PODXL2: variants seen among roughly 807,000 people sequenced by gnomAD.
PODXL2 encodes the protein podocalyxin-like protein 2.
Under a neutral mutation model 53.4 loss-of-function variants are expected in PODXL2, and 17 were observed. The observed-to-expected ratio is 0.32, with a 90% CI of 0.22 to 0.48. PODXL2 has a LOEUF of 0.48. Among genes scored for constraint, PODXL2 ranks in the 20% least tolerant of loss-of-function variants. PODXL2 has a pLI of 0.99. For synonymous variants in PODXL2, 311 were observed against 306.7 expected, an observed-to-expected ratio of 1.01 and a Z score of -0.15; for missense variants, 673 against 760.0, an observed-to-expected ratio of 0.89 and a Z score of 1.35.
chr3:127,646,870 G>A (rs1559874715), intron 2 of PODXL2, among the ~76,000 whole-genome samples: 1 of 152,162 alleles, frequency 6.6e-6, no homozygotes, highest in Non-Finnish European at 1.5e-5. Flanking sequence ...GAGCACTGAT[G>A]CCCTGGGCCT....
chr3:127,640,963 A>G (rs2074614672), intron 2 of PODXL2, among the ~76,000 whole-genome samples: 2 of 152,122 alleles, frequency 1.3e-5, no homozygotes, highest in African/African-American at 4.8e-5. Flanking sequence ...CCTGGGCTAG[A>G]GTGCAGTGGC....
intron 1 of PODXL2, among the ~76,000 whole-genome samples, chr3:127,635,800 T>C (rs558619736): frequency 6.6e-6 from 1 of 152,352 alleles, no homozygotes; most frequent in East Asian, 1.9e-4. Context: ...TTTATTTAGC[T>C]CATGATTCTG....
At chr3:127,662,645 T>G (rs2074774839) in intron 4 of PODXL2, among the ~76,000 whole-genome samples, 1 of 152,226 alleles carries the variant, frequency 6.6e-6, no homozygotes, top group Admixed American at 6.5e-5. Flanking sequence ...TTTCTCCGTT[T>G]TGGGTCTCAG....
intron 2 of PODXL2, among the ~76,000 whole-genome samples, chr3:127,657,151 ATGCATCTC>A (rs1482933284): frequency 1.3e-5 from 2 of 152,196 alleles, no homozygotes; most frequent in African/African-American, 4.8e-5. Flanking sequence ...GTGACTGATG[ATGCATCTC>A]TGAGGAGGCT....
intron 2 of PODXL2, among the ~76,000 whole-genome samples, chr3:127,644,517 G>T (rs952788242): frequency 6.6e-6 from 1 of 152,048 alleles, no homozygotes; most frequent in Non-Finnish European, 1.5e-5. Context: ...AAGCAGTCAC[G>T]CAGAGAGCAT....
chr3:127,635,080 G>A (rs2074568797), intron 1 of PODXL2, among the ~76,000 whole-genome samples: 1 of 152,186 alleles, frequency 6.6e-6, no homozygotes, highest in Admixed American at 6.5e-5. Flanking sequence ...GTGCCCCCCT[G>A]AGTGGCATGG....
At chr3:127,640,570 G>A (rs556284795) in intron 2 of PODXL2, among the ~76,000 whole-genome samples, 186 of 152,022 alleles carry the variant, frequency 1.2e-3, no homozygotes, top group African/African-American at 4.2e-3. Flanking sequence ...ACATGATTGC[G>A]GGCATCTGTA....
chr3:127,636,092 C>T (rs2074576681), intron 1 of PODXL2, among the ~76,000 whole-genome samples: 1 of 152,234 alleles, frequency 6.6e-6, no homozygotes, highest in Admixed American at 6.5e-5. Context: ...TCTTGTGTAG[C>T]AACTCACAAA....
At position 127,662,305 on chromosome 3, in the gene PODXL2, A is replaced by G. The variant is rs749251893; in HGVS notation, c.1200A>G (p.Ile400Met). 13 of 1,613,444 alleles carry G rather than the reference A, an allele frequency of 8.1e-6. No individual in the cohort carries two copies. Among genetic ancestry groups the G allele is most frequent in the Non-Finnish European group, 1.1e-5 (13 of 1,179,602 alleles). Reference protein sequence around the residue: ...NYIILNMTENIDCEVFRQHRG... With the variant: ...NYIILNMTENMDCEVFRQHRG... ...TCATTCTGAACATGACAGAGAACAT[A>G]GACTGTGTGAGTGCCCAGCCAGGCT... The change falls in exon 4 of 8, where the codon ATA becomes ATG. Residue 400 changes from isoleucine (I) to methionine (M), a missense_variant. Physicochemically the swap from Ile to Met is conservative, Grantham distance 10 (BLOSUM62 1). Around this residue, in one of 3 missense-constraint regions of PODXL2, gnomAD observed 588 missense variants for 668.3 expected, o/e 0.88. Transcript: ENST00000342480.
chr3:127,634,682 C>T (rs897814773), intron 1 of PODXL2, among the ~76,000 whole-genome samples: 11 of 151,950 alleles, frequency 7.2e-5, no homozygotes, highest in South Asian at 2.1e-4. Context: ...GCCAAGAACG[C>T]GCCATTGCAC....
intron 7 of PODXL2, 146 bp from the exon 8 acceptor site, chr3:127,672,117 GGAGTT>G (rs1220422967): frequency 3.5e-5 from 22 of 624,938 alleles, no homozygotes; most frequent in African/African-American, 3.3e-4. Context: ...TTTTGAGAAA[GGAGTT>G]GAGCTGCAGC....
intron 1 of PODXL2, among the ~76,000 whole-genome samples, chr3:127,631,786 A>G (rs945984074): frequency 3.3e-5 from 5 of 152,258 alleles, no homozygotes; most frequent in African/African-American, 7.2e-5. Context: ...CCCATTGCCA[A>G]GGCCTTTGAA....
intron 2 of PODXL2, among the ~76,000 whole-genome samples, chr3:127,653,796 T>G (rs948733191): frequency 1.3e-5 from 2 of 152,238 alleles, no homozygotes; most frequent in Non-Finnish European, 2.9e-5. Context: ...ATTAACACTT[T>G]GCCGCAGTTG....
chr3:127,668,764 T>G (rs1406795232), intron 5 of PODXL2, among the ~76,000 whole-genome samples, 167 bp downstream of exon 5: 6 of 152,080 alleles, frequency 3.9e-5, no homozygotes, highest in Non-Finnish European at 2.9e-5. Context: ...CCAGCTTGGG[T>G]TCTGGGGACA....
Position 127,668,565 on chromosome 3 carries a change from A to C in PODXL2, c.1331A>C (p.Gln444Pro). 1 of 1,568,736 alleles carries C rather than the reference A, an allele frequency of 6.4e-7. No homozygotes were observed. The highest frequency in any genetic ancestry group is 8.7e-7 in the Non-Finnish European group (1 of 1,155,998). Residue 444 changes from glutamine (Q) to proline (P), a missense_variant, in exon 5 of 8, where the codon CAG becomes CCG. Gln to Pro is a moderately conservative substitution (Grantham distance 76). This residue lies in a region of PODXL2 where 588 missense variants were observed against 668.3 expected (regional missense o/e 0.88). Coordinates refer to ENST00000342480, the MANE Select transcript of PODXL2 (RefSeq NM_015720.4). ...ISLSKPSEKE[Q>P]HLLMTLVGEQ... ...CTGAGCAAGCCCAGCGAGAAGGAGC[A>C]GCACCTTCTCATGACACTGGTGGGC...
In PODXL2 at chr3:127,639,226, G is replaced by C. The variant is rs897980675; in HGVS notation, c.71-19G>C. The C allele has an allele frequency of 1.3e-6, 2 of 1,569,154 alleles. No homozygotes were observed. Among genetic ancestry groups the C allele is most frequent in the Non-Finnish European group, 1.7e-6 (2 of 1,160,152 alleles). ...CTTCTCTAGCCTCCCCTGACTGTCT[G>C]GCTTTTATGTCTGCACAGGAGCGTT... On this transcript the variant is annotated intron_variant, in intron 1 of 7. Transcript: ENST00000342480.
chr3:127,638,527 C>G (rs1011102810), intron 1 of PODXL2, among the ~76,000 whole-genome samples: 1 of 152,100 alleles, frequency 6.6e-6, no homozygotes, highest in African/African-American at 2.4e-5. Flanking sequence ...CCAGCCTGAC[C>G]AACATGGCGA....
At chr3:127,668,348 T>G in intron 4 of PODXL2, 93 bp from the exon 5 acceptor site, 9 of 1,140,600 alleles carry the variant, frequency 7.9e-6, no homozygotes, top group East Asian at 3.1e-5. Context: ...AGCCAGAGGG[T>G]TGAGGGTGAG....
chr3:127,657,562 C>G (rs1223968828), intron 2 of PODXL2, among the ~76,000 whole-genome samples: 9 of 152,232 alleles, frequency 5.9e-5, no homozygotes. Flanking sequence ...TCATCACCGC[C>G]ATGCATCTCT....
Sources: gnomAD v4.1 joint callset for allele counts (sites outside exome capture counted in the v4.1 genomes callset) on GRCh38, gnomAD v4.1.1 for gene constraint, gnomAD v4.1.1 regional missense constraint, MANE v1.5 for transcripts, NCBI Gene and HGNC (gene_info 2026-07-23, HGNC 2026-07-21) for gene names.